KIDINS220: variants seen among roughly 807,000 people sequenced by gnomAD.
KIDINS220 encodes kinase D-interacting substrate of 220 kDa.
Under a neutral mutation model 157.6 loss-of-function variants are expected in KIDINS220, and 63 were observed. The ratio of observed to expected loss-of-function variants is 0.40; its 90% CI spans 0.33 to 0.49. KIDINS220 has a LOEUF of 0.49. Among genes scored for constraint, KIDINS220 ranks in the 20% least tolerant of loss-of-function variants. The pLI is 0.66. For synonymous variants in KIDINS220, 732 were observed against 783.6 expected (o/e 0.93, Z 1.10); for missense variants, 1,772 against 2,171.2 (o/e 0.82, Z 3.65).
intron 15 of KIDINS220, among the ~76,000 whole-genome samples, chr2:8,787,464 G>A (rs1450645625): frequency 6.6e-6 from 1 of 151,248 alleles, no homozygotes; most frequent in Non-Finnish European, 1.5e-5. Flanking sequence ...AACCCCCGAA[G>A]CTTAAGCAGT....
At chr2:8,757,354 A>C (rs541728060) in intron 22 of KIDINS220, 33 of 1,058,714 alleles carry the variant, frequency 3.1e-5, no homozygotes, top group Middle Eastern at 9.0e-4. Flanking sequence ...CTTTCAACTA[A>C]ATATCTATTT....
At chr2:8,780,194 T>G (rs1671504862) in intron 17 of KIDINS220, among the ~76,000 whole-genome samples, 1 of 152,358 alleles carries the variant, frequency 6.6e-6, no homozygotes, top group Non-Finnish European at 1.5e-5. Flanking sequence ...ATCTGACCTT[T>G]CACTTTGAAA....
rs749567143 is a variant in KIDINS220 at position 8,793,881 on chromosome 2, T to C, written c.1205A>G (p.Lys402Arg). Residue 402 changes from lysine to arginine, a missense_variant, in exon 12 of 30, where the codon AAA (lysine) becomes AGA (arginine). By Grantham distance (26) the Lys-to-Arg change is conservative (BLOSUM62 2). Coordinates refer to ENST00000256707, the MANE Select transcript of KIDINS220 (RefSeq NM_020738.4). ...KDGRLLYRPNKAGETPYNIDC... is the reference protein window; with the variant it reads ...KDGRLLYRPNRAGETPYNIDC... ...AATATTATAAGGAGTCTCGCCTGCT[T>C]TGTTGGGCCTATAAAGTAATCGCCC... 1 of 1,613,940 alleles carries C rather than the reference T, an allele frequency of 6.2e-7. No homozygotes were observed. The highest frequency in any genetic ancestry group is 2.2e-5 in the East Asian group (1 of 44,886).
At chr2:8,836,205 C>CA (rs370008479) in intron 1 of KIDINS220, among the ~76,000 whole-genome samples, 186 of 142,182 alleles carry the variant, frequency 1.3e-3, no homozygotes, top group Admixed American at 2.0e-3. Flanking sequence ...TGCCCTTAAC[C>CA]AAAAAAAAAA....
rs1057120929 is a variant in KIDINS220 at position 8,776,773 on chromosome 2, T to A, written c.2823A>T (p.Arg941Ser). 1.2e-6 allele frequency: 2 copies of A among 1,613,802 alleles called. No homozygotes were observed. The highest frequency in any genetic ancestry group is 1.7e-6 in the Non-Finnish European group (2 of 1,179,912). ...CTGTCACAGAAACAATATTAAGTAA[T>A]CTTCTCATGGTCTGGGGACTGATGT... ...FSDISPQTMR[R>S]LLNIVSVTGR... Residue 941 changes from arginine (R) to serine (S), a missense_variant, in exon 21 of 30, where the codon AGA becomes AGT. Physicochemically the swap from Arg to Ser is moderately radical, Grantham distance 110 (BLOSUM62 -1). Transcript: ENST00000256707.
chr2:8,783,667 T>C (rs1312955241), intron 17 of KIDINS220, among the ~76,000 whole-genome samples: 1 of 152,192 alleles, frequency 6.6e-6, no homozygotes, highest in Non-Finnish European at 1.5e-5. Context: ...ATCACTTTCC[T>C]ATATATCAGC....
chr2:8,810,845 CTCAG>C (rs1282921375), intron 6 of KIDINS220, among the ~76,000 whole-genome samples: 2 of 152,062 alleles, frequency 1.3e-5, no homozygotes, highest in East Asian at 3.9e-4. Context: ...TACCTCAAAC[CTCAG>C]TCAATCTGAA....
intron 22 of KIDINS220, chr2:8,757,435 A>G: frequency 2.3e-6 from 3 of 1,292,936 alleles, no homozygotes; most frequent in Non-Finnish European, 3.0e-6. Flanking sequence ...ACCTTTAGTC[A>G]TGAGAAGCAC....
intron 22 of KIDINS220, among the ~76,000 whole-genome samples, chr2:8,758,186 G>A (rs372432863): frequency 1.1e-4 from 16 of 152,236 alleles, no homozygotes; most frequent in Middle Eastern, 3.4e-3. Flanking sequence ...ATAAGTTGCC[G>A]TCTCAACATT....
downstream of KIDINS220, chr2:8,725,047 A>G (rs1486170540): frequency 6.6e-6 from 1 of 152,246 alleles, no homozygotes; most frequent in East Asian, 1.9e-4. Flanking sequence ...GTAAACTAGG[A>G]TGGTAACCTA....
chr2:8,831,181 C>G (rs758374511), intron 1 of KIDINS220, among the ~76,000 whole-genome samples: 1 of 152,334 alleles, frequency 6.6e-6, no homozygotes, highest in Non-Finnish European at 1.5e-5. Context: ...ACAATTCCTA[C>G]GGAAAGCTTT....
At chr2:8,800,565 TAC>T (rs1172447682) in intron 8 of KIDINS220, 67 bp from the exon 9 acceptor site, 5 of 1,081,220 alleles carry the variant, frequency 4.6e-6, no homozygotes, top group Non-Finnish European at 6.8e-6. Context: ...CTTTTTAAGT[TAC>T]AGTTAATCAT....
chr2:8,779,688 G>A lies in KIDINS220; in HGVS notation c.2356C>T (p.Gln786Ter). 1 of 1,613,958 alleles carries A rather than the reference G, an allele frequency of 6.2e-7. No homozygotes were observed. The highest frequency in any genetic ancestry group is 2.2e-5 in the East Asian group (1 of 44,880). The stretch of plus-strand genomic sequence containing the variant: ...CGCAAACGTACAGTGTCCAGCATCT[G>A]AAGGACTTTGTCCTGCTCACAGGCA... ...LDACEQDKVL[Q>*]MLDTVRVLFS... The change falls in exon 18 of 30, where the codon CAG (glutamine) becomes TAG (stop). Residue 786 changes from glutamine (Q) to a stop codon, truncating the protein, a stop_gained. Transcript: ENST00000256707. LOFTEE classifies it high-confidence loss of function.
chr2:8,769,796 G>A (rs933597925), intron 22 of KIDINS220, among the ~76,000 whole-genome samples: 21 of 152,040 alleles, frequency 1.4e-4, no homozygotes, highest in Non-Finnish European at 2.5e-4. Flanking sequence ...AAACCTCAAA[G>A]ACCAGATGCA....
intron 9 of KIDINS220, chr2:8,800,161 G>C: frequency 2.4e-6 from 1 of 412,858 alleles, no homozygotes; most frequent in Non-Finnish European, 4.3e-6. Context: ...CCATTAGTAA[G>C]GACAGTATAT....
At position 8,835,364 on chromosome 2, in the gene KIDINS220, G is replaced by A. The variant is rs989568551; in HGVS notation, c.-37+2116C>T. Among the ~76,000 whole-genome samples the A allele has an allele frequency of 9.2e-5, 14 of 152,238 alleles. No individual in the cohort carries two copies. The South Asian group carries it at 1.2e-3, about 14-fold the overall frequency. ...TAGCATCAGCCATTCCCAGGGATGGGCATATGATCTGTGGCATGAAACTGT... is the reference window on the plus strand; with the variant it reads ...TAGCATCAGCCATTCCCAGGGATGGACATATGATCTGTGGCATGAAACTGT... On this transcript the variant is annotated intron_variant, in intron 1 of 29. Transcript: ENST00000256707.
intron 11 of KIDINS220, among the ~76,000 whole-genome samples, chr2:8,795,439 CAGAG>C (rs1314343773): frequency 6.6e-6 from 1 of 152,194 alleles, no homozygotes; most frequent in African/African-American, 2.4e-5. Flanking sequence ...TGAAAATAAT[CAGAG>C]AGCAGTGACG....
chr2:8,757,802 TAAC>T, intron 22 of KIDINS220: 2 of 1,584,614 alleles, frequency 1.3e-6, no homozygotes, highest in South Asian at 2.2e-5. Context: ...GTTTGAATAA[TAAC>T]ATCTTCAGTA....
At position 8,750,102 on chromosome 2, in the gene KIDINS220, A is replaced by G. The variant is rs555395984; in HGVS notation, c.3414+10T>C. The G allele has an allele frequency of 1.2e-6, 2 of 1,605,430 alleles. No homozygotes were observed. Among genetic ancestry groups the G allele is most frequent in the South Asian group, 2.2e-5 (2 of 89,854 alleles). On this transcript the variant is annotated intron_variant, in intron 24 of 29. Transcript: ENST00000256707. Reference sequence around the variant, plus strand: ...ATTCTTAAAAATAAAGCTGCCTCCAACTTCCTTACCCTGTTGTAGAAGGGA... The same window carrying G: ...ATTCTTAAAAATAAAGCTGCCTCCAGCTTCCTTACCCTGTTGTAGAAGGGA...
Sources: gnomAD v4.1 joint callset for allele counts (sites outside exome capture counted in the v4.1 genomes callset) on GRCh38, gnomAD v4.1.1 for gene constraint, MANE v1.5 for transcripts, NCBI Gene and HGNC (gene_info 2026-07-23, HGNC 2026-07-21) for gene names.